The following ANKLE2 variants were observed in gnomAD, a reference collection of about 807,000 sequenced individuals.
ANKLE2 encodes ankyrin repeat and LEM domain-containing protein 2.
In ANKLE2, 55 loss-of-function variants were observed where a neutral mutation model predicts 84.2. The ratio of observed to expected loss-of-function variants is 0.65; its 90% CI spans 0.53 to 0.82. The LOEUF (loss-of-function observed/expected upper bound fraction) is 0.82, where lower values mean the gene tolerates loss of function less well. Ranked by LOEUF, ANKLE2 falls within the 40% of genes least tolerant of loss-of-function variation. The pLI, the probability that ANKLE2 is intolerant of heterozygous loss-of-function variation, is 0.00. For missense variants in ANKLE2, 1,238 were observed against 1,201.9 expected (o/e 1.03, Z -0.44); for synonymous variants, 551 against 486.1 (o/e 1.13, Z -1.76).
chr12:132,761,464 C>T, intron 1 of ANKLE2, 154 bp downstream of exon 1: 1 of 640,540 alleles, frequency 1.6e-6, no homozygotes, highest in Non-Finnish European at 2.2e-6. Flanking sequence ...TTTCCGCGGC[C>T]GGAATGGCCT....
intron 4 of ANKLE2, 21 bp downstream of exon 4, chr12:132,748,117 G>C (rs188446571): frequency 4.4e-6 from 7 of 1,609,170 alleles, no homozygotes; most frequent in Non-Finnish European, 5.9e-6. Flanking sequence ...ACACCTGCCC[G>C]AGGGAACCGC....
At chr12:132,757,497 AC>A (rs1411839007) in intron 1 of ANKLE2, 1 of 152,320 alleles carries the variant, frequency 6.6e-6, no homozygotes, top group African/African-American at 2.4e-5. Context: ...AGCCTGGGTA[AC>A]ACAGCGACAC....
Position 132,728,044 on chromosome 12 carries a change from G to A in ANKLE2, c.2603C>T (p.Ser868Leu), listed in dbSNP as rs200743167. ...WKSAVLCYSP[S>L]DRQSWPSPAV... ...GGGCCCCACATACCTCTGTCTGTCCGAGGGTGAGTAGCACAGGACAGCACT... is the reference window on the plus strand; with the variant it reads ...GGGCCCCACATACCTCTGTCTGTCCAAGGGTGAGTAGCACAGGACAGCACT... The change falls in exon 12 of 13, where the codon TCG (serine) becomes TTG (leucine). Residue 868 changes from serine to leucine, a missense_variant. Physicochemically the swap from Ser to Leu is moderately radical, Grantham distance 145 (BLOSUM62 -2). Transcript: ENST00000357997. 30 of 1,607,220 alleles carry A rather than the reference G, an allele frequency of 1.9e-5. No homozygotes were observed. The highest frequency in any genetic ancestry group is 1.6e-4 in the Middle Eastern group (1 of 6,068).
chr12:132,725,738 G>T lies in ANKLE2; in HGVS notation c.*1504C>A, dbSNP rs1022017371. On this transcript the variant is annotated 3_prime_UTR_variant, in exon 13 of 13. Transcript: ENST00000357997. ...ACAGACAATATGGTAAGATTTTAGA[G>T]AAAACAGATCATCACTACGAATATC... 1.3e-5 allele frequency: 2 copies of T among 152,218 alleles called. No individual in the cohort carries two copies. The highest frequency in any genetic ancestry group is 2.4e-5 in the African/African-American group (1 of 41,448). The allele number at this position is 152,218 out of a possible 1,614,324, so 9.4% of individuals were successfully genotyped here. A position where few individuals can be genotyped will look rare whatever the true frequency, so the allele number is the denominator to read the frequency against.
chr12:132,732,752 G>A, intron 10 of ANKLE2, among the ~76,000 whole-genome samples: 1 of 125,908 alleles, frequency 7.9e-6, no homozygotes. Flanking sequence ...TGCACCATGT[G>A]AAGCACTGCG....
chr12:132,742,792 T>TCACCACCATCATTCTCACTAC (rs369314454), intron 6 of ANKLE2, among the ~76,000 whole-genome samples: 1 of 406 alleles, frequency 2.5e-3, no homozygotes, highest in Non-Finnish European at 4.4e-3. Context: ...ACCACCATCA[T>TCACCACCATCATTCTCACTAC]CACCATCACC....
intron 4 of ANKLE2, 44 bp downstream of exon 4, chr12:132,748,094 C>T (rs768048242): frequency 1.7e-5 from 27 of 1,606,066 alleles, no homozygotes; most frequent in East Asian, 6.7e-5. Flanking sequence ...TGCGATGGAA[C>T]GGCCGGGACC....
rs755479066 is a variant in ANKLE2 at position 132,736,916 on chromosome 12, C to A, written c.1570G>T (p.Ala524Ser). ...RDPVLTLRAF[A>S]GPLSPAKAED... ...ACCTTGGCTGGACTCAGGGGCCCTG[C>A]GAAGGCTCTCAGGGTCAGTACCGGG... Residue 524 changes from alanine (A) to serine (S), a missense_variant, in exon 8 of 13, where the codon GCA becomes TCA. By Grantham distance (99) the Ala-to-Ser change is moderately conservative. Coordinates refer to ENST00000357997, the MANE Select transcript of ANKLE2 (RefSeq NM_015114.3). The A allele has an allele frequency of 1.2e-6, 2 of 1,609,930 alleles. No homozygotes were observed. The highest frequency in any genetic ancestry group is 1.7e-6 in the Non-Finnish European group (2 of 1,177,124).
At chr12:132,757,500 C>G (rs1475760760) in intron 1 of ANKLE2, 1 of 152,204 alleles carries the variant, frequency 6.6e-6, no homozygotes, top group African/African-American at 2.4e-5. Flanking sequence ...CTGGGTAACA[C>G]AGCGACACCC....
rs762533467 is a variant in ANKLE2, at chr12:132,730,075, CTGTG to C, written c.2083_2086del (p.His695AlafsTer10). 6.2e-7 allele frequency: 1 copy of C among 1,612,522 alleles called. No homozygotes were observed. The highest frequency in any genetic ancestry group is 8.5e-7 in the Non-Finnish European group (1 of 1,179,564). ...AGGATGGCAGAGCCCATTTCTGCTG[CTGTG>C]TGGACCTCCCGGCTCGGCGGCTTCT... On this transcript the variant is annotated frameshift_variant, in exon 11 of 13. Transcript: ENST00000357997. LOFTEE classifies it high-confidence loss of function.
rs1374743446 is a variant in ANKLE2 at position 132,748,213 on chromosome 12, C to T, written c.966G>A (p.Glu322=). 1 of 1,614,070 alleles carries T rather than the reference C, an allele frequency of 6.2e-7. No individual in the cohort carries two copies. Among genetic ancestry groups the T allele is most frequent in the South Asian group, 1.1e-5 (1 of 91,070 alleles). The part of the protein sequence containing the change: ...KLRKAVEKGE[E]DTFSDLIWSN... Reference sequence around the variant, plus strand: ...TCCAGATAAGGTCAGAAAAGGTGTCCTCCTCTCCCTTCTCCACAGCTTTCC... The same window carrying T: ...TCCAGATAAGGTCAGAAAAGGTGTCTTCCTCTCCCTTCTCCACAGCTTTCC... Residue 322 remains glutamate, a synonymous_variant, in exon 4 of 13, where the codon GAG becomes GAA. Transcript: ENST00000357997.
At chr12:132,744,239 T>A (rs1030032079) in intron 5 of ANKLE2, among the ~76,000 whole-genome samples, 1 of 152,062 alleles carries the variant, frequency 6.6e-6, no homozygotes, top group Non-Finnish European at 1.5e-5. Flanking sequence ...AAGGGCCAAC[T>A]CCCTCCCAGT....
At chr12:132,727,950 G>A (rs1301406753) in intron 12 of ANKLE2, 82 bp downstream of exon 12, 1 of 1,522,558 alleles carries the variant, frequency 6.6e-7, no homozygotes, top group Admixed American at 2.3e-5. Context: ...GCCACTGATA[G>A]GTTCGCATGA....
intron 8 of ANKLE2, among the ~76,000 whole-genome samples, 176 bp downstream of exon 8, chr12:132,736,717 T>A (rs1203980916): frequency 6.6e-6 from 1 of 152,204 alleles, no homozygotes; most frequent in East Asian, 1.9e-4. Context: ...AACACACATT[T>A]CTCTGACAAA....
At chr12:132,734,684 A>G (rs1017468401) in intron 9 of ANKLE2, 109 bp from the exon 10 acceptor site, 34 of 1,126,506 alleles carry the variant, frequency 3.0e-5, no homozygotes, top group Non-Finnish European at 4.1e-5. Context: ...GTCTGCAATC[A>G]TGGTTATAAT....
At position 132,732,607 on chromosome 12, in the gene ANKLE2, T is replaced by G. The variant is rs1389994450; in HGVS notation, c.1891+1778A>C. Among the ~76,000 whole-genome samples the G allele has an allele frequency of 2.0e-4, 24 of 120,670 alleles. 1 individual carries two copies. The highest frequency in any genetic ancestry group is 1.2e-3 in the Admixed American group (14 of 12,032). 79.2% of individuals were successfully genotyped at this position (120,670 alleles called of 152,430 possible). On this transcript the variant is annotated intron_variant, in intron 10 of 12. Coordinates refer to ENST00000357997, the MANE Select transcript of ANKLE2 (RefSeq NM_015114.3). Reference sequence around the variant, plus strand: ...GCGTCTGATACGCACCGTGTGAAGCTCTCTGCGTCCTGGTGTCTGATACGC... The same window carrying G: ...GCGTCTGATACGCACCGTGTGAAGCGCTCTGCGTCCTGGTGTCTGATACGC...
intron 7 of ANKLE2, among the ~76,000 whole-genome samples, chr12:132,740,974 C>A (rs921436633): frequency 2.0e-5 from 3 of 151,946 alleles, no homozygotes; most frequent in South Asian, 2.1e-4. Flanking sequence ...GCGACCCCCA[C>A]CCCAACACAG....
chr12:132,753,703 TG>T (rs2136174824), intron 2 of ANKLE2, among the ~76,000 whole-genome samples: 1 of 151,900 alleles, frequency 6.6e-6, no homozygotes, highest in African/African-American at 2.4e-5. Flanking sequence ...ATCGCACCAC[TG>T]CACTCCAGCC....
At chr12:132,739,186 G>A (rs909437835) in intron 7 of ANKLE2, among the ~76,000 whole-genome samples, 3 of 152,076 alleles carry the variant, frequency 2.0e-5, no homozygotes, top group South Asian at 2.1e-4. Context: ...GAAATAATCC[G>A]TACCCCAAAC....
Sources: gnomAD v4.1 joint callset for allele counts (sites outside exome capture counted in the v4.1 genomes callset) on GRCh38, gnomAD v4.1.1 for gene constraint, MANE v1.5 for transcripts, NCBI Gene and HGNC (gene_info 2026-07-23, HGNC 2026-07-21) for gene names.